Variants in COL22A1 observed in about 807,000 individuals in gnomAD.
The protein encoded by COL22A1 is collagen alpha-1(XXII) chain.
A neutral mutation model predicts 248.9 loss-of-function variants in COL22A1; 221 were observed. The observed-to-expected ratio is 0.89, with a 90% CI of 0.80 to 0.99. The LOEUF (loss-of-function observed/expected upper bound fraction) is 0.99. COL22A1 is among the 50% of genes least tolerant of loss of function. COL22A1 has a pLI of 0.00. For synonymous variants in COL22A1, 891 were observed against 793.4 expected (o/e 1.12, Z -2.07); for missense variants, 2,240 against 2,179.0 (o/e 1.03, Z -0.56).
chr8:138,822,224 G>T (rs1482206731), intron 6 of COL22A1, among the ~76,000 whole-genome samples: 1 of 151,990 alleles, frequency 6.6e-6, no homozygotes, highest in African/African-American at 2.4e-5. Flanking sequence ...TAATTTTTGT[G>T]ATTTTAGTAG....
intron 16 of COL22A1, among the ~76,000 whole-genome samples, chr8:138,772,464 T>A (rs1343308573): frequency 6.6e-6 from 1 of 152,082 alleles, no homozygotes; most frequent in East Asian, 1.9e-4. Context: ...CCAGCAAGAC[T>A]TCTGAGGGAG....
chr8:138,788,177 A>G (rs936250098), intron 12 of COL22A1, among the ~76,000 whole-genome samples: 1 of 152,088 alleles, frequency 6.6e-6, no homozygotes, highest in Admixed American at 6.5e-5. Flanking sequence ...CTCAGGCCCC[A>G]CCCCAGACAT....
At chr8:138,831,187 A>T (rs1416171469) in intron 5 of COL22A1, among the ~76,000 whole-genome samples, 1 of 152,160 alleles carries the variant, frequency 6.6e-6, no homozygotes, top group Admixed American at 6.5e-5. Flanking sequence ...ATGTTCATTG[A>T]ATTAAAAAAA....
Position 138,680,105 on chromosome 8 carries a change from G to A in COL22A1, c.3013-429C>T, listed in dbSNP as rs73451613. ...AACTTTTAGAAAACGGCCCCAAGAA[G>A]AGCAAAAATATCTTAATGTTCTGAC... On this transcript the variant is annotated intron_variant, in intron 39 of 64. Coordinates refer to ENST00000303045, the MANE Select transcript of COL22A1 (RefSeq NM_152888.3). Among the ~76,000 whole-genome samples the A allele has an allele frequency of 5.5e-3, 843 of 152,220 alleles. 11 individuals carry two copies. The highest frequency in any genetic ancestry group is 0.019 in the African/African-American group (801 of 41,536).
intron 41 of COL22A1, among the ~76,000 whole-genome samples, chr8:138,671,366 T>A (rs147916058): frequency 6.6e-6 from 1 of 152,296 alleles, no homozygotes; most frequent in Non-Finnish European, 1.5e-5. Flanking sequence ...TAAAGAAACA[T>A]ACATGCAGCA....
chr8:138,774,542 C>T (rs1344749724), intron 16 of COL22A1, among the ~76,000 whole-genome samples: 1 of 151,828 alleles, frequency 6.6e-6, no homozygotes, highest in Non-Finnish European at 1.5e-5. Flanking sequence ...CCTCAGCCTC[C>T]CGAGTAGCTG....
intron 4 of COL22A1, among the ~76,000 whole-genome samples, chr8:138,835,352 A>C (rs1820349565): frequency 6.6e-6 from 1 of 152,176 alleles, no homozygotes; most frequent in African/African-American, 2.4e-5. Context: ...TGGAAAAAGC[A>C]CCCCTCCAAA....
At chr8:138,778,085 A>G in intron 15 of COL22A1, 1 of 533,046 alleles carries the variant, frequency 1.9e-6, no homozygotes, top group Non-Finnish European at 3.4e-6. Flanking sequence ...GTGCTGGTTA[A>G]AAATGCAGAT....
chr8:138,629,219 C>T lies in COL22A1; in HGVS notation c.3663+1476G>A, dbSNP rs144286013. The stretch of plus-strand genomic sequence containing the variant: ...TCGCCCAGGCTGGAGTGCAGTGGTG[C>T]GATCTCAGTTCCCTGCAGTCTCTGC... On this transcript the variant is annotated intron_variant, in intron 50 of 64. Transcript: ENST00000303045. 1.1e-3 allele frequency among the ~76,000 whole-genome samples: 161 copies of T among 152,236 alleles called. 2 individuals carry two copies. Among genetic ancestry groups the T allele is most frequent in the African/African-American group, 3.5e-3 (146 of 41,534 alleles).
intron 30 of COL22A1, among the ~76,000 whole-genome samples, chr8:138,704,945 T>G (rs1294404119): frequency 1.3e-5 from 2 of 152,158 alleles, no homozygotes; most frequent in Admixed American, 1.3e-4. Context: ...AATAACCTGA[T>G]GGAGCTGAAA....
intron 3 of COL22A1, among the ~76,000 whole-genome samples, chr8:138,862,091 G>A (rs980903803): frequency 4.0e-5 from 6 of 150,434 alleles, no homozygotes; most frequent in South Asian, 4.3e-4. Flanking sequence ...GGTGGCACAC[G>A]CCTGTAGTCC....
At position 138,747,566 on chromosome 8, in the gene COL22A1, C is replaced by G. The variant is rs142040802; in HGVS notation, c.2085+3892G>C. The stretch of plus-strand genomic sequence containing the variant: ...GCCTGTCAGGCTCTTCCCCAGCTAT[C>G]AGTTTGGCCAATGTCCTCACCTCTG... On this transcript the variant is annotated intron_variant, in intron 22 of 64. Transcript: ENST00000303045. 5.9e-5 allele frequency among the ~76,000 whole-genome samples: 9 copies of G among 152,268 alleles called. No individual in the cohort carries two copies. The East Asian group carries it at 1.5e-3, about 26-fold the overall frequency.
Position 138,643,651 on chromosome 8 carries a change from C to CAGATAGAT in COL22A1, c.3501+2970_3501+2977dup, listed in dbSNP as rs66644208. ...ATAGATAGATAGATAGATAGATAGA[C>CAGATAGAT]AGATAGATAGATAGACAGATAGATT... On this transcript the variant is annotated intron_variant, in intron 47 of 64. Coordinates refer to ENST00000303045, the MANE Select transcript of COL22A1 (RefSeq NM_152888.3). 4.4e-3 allele frequency among the ~76,000 whole-genome samples: 644 copies of CAGATAGAT among 146,662 alleles called. 7 individuals are homozygous for CAGATAGAT. Among genetic ancestry groups the CAGATAGAT allele is most frequent in the African/African-American group, 0.015 (575 of 37,430 alleles).
chr8:138,664,209 GCACACA>G (rs1173353118), intron 41 of COL22A1, among the ~76,000 whole-genome samples: 7,269 of 102,774 alleles, frequency 0.071, 418 homozygotes, highest in Non-Finnish European at 0.079. Flanking sequence ...GCGCGCGCGC[GCACACA>G]CACACACACA....
At chr8:138,755,920 G>T in intron 18 of COL22A1, 91 bp from the exon 19 acceptor site, 11 of 1,061,106 alleles carry the variant, frequency 1.0e-5, no homozygotes, top group Non-Finnish European at 1.6e-5. Context: ...TGTGGGCCCA[G>T]GGGACCACAC....
chr8:138,607,142 T>G (rs1340301549), intron 57 of COL22A1, among the ~76,000 whole-genome samples: 1 of 152,122 alleles, frequency 6.6e-6, no homozygotes, highest in Non-Finnish European at 1.5e-5. Flanking sequence ...GGATGCAGGA[T>G]TTTCCAGTTG....
chr8:138,644,114 C>A lies in COL22A1; in HGVS notation c.3501+2515G>T, dbSNP rs893143804. The stretch of plus-strand genomic sequence containing the variant: ...AATATTTTAAAAAGCCAAAGTCAAT[C>A]TAAAATAACTCAAGATGATTGAAAT... On this transcript the variant is annotated intron_variant, in intron 47 of 64. Transcript: ENST00000303045. Among the ~76,000 whole-genome samples, 8 of 152,056 alleles carry A rather than the reference C, an allele frequency of 5.3e-5. No individual in the cohort carries two copies. The South Asian group carries it at 1.7e-3, about 31-fold the overall frequency.
chr8:138,688,370 A>T (rs1826535109), intron 37 of COL22A1, among the ~76,000 whole-genome samples: 1 of 151,850 alleles, frequency 6.6e-6, no homozygotes, highest in African/African-American at 2.4e-5. Flanking sequence ...AAAATACAAA[A>T]ATTAGCCAGG....
intron 4 of COL22A1, among the ~76,000 whole-genome samples, chr8:138,840,386 G>T (rs1820790568): frequency 6.6e-6 from 1 of 152,054 alleles, no homozygotes; most frequent in African/African-American, 2.4e-5. Context: ...AAGAGGGAGG[G>T]GAGGCTTCAG....
Sources: gnomAD v4.1 joint callset for allele counts (sites outside exome capture counted in the v4.1 genomes callset) on GRCh38, gnomAD v4.1.1 for gene constraint, MANE v1.5 for transcripts, NCBI Gene and HGNC (gene_info 2026-07-23, HGNC 2026-07-21) for gene names.